Variants in SULT4A1 observed in about 807,000 individuals in gnomAD.
SULT4A1 encodes the protein sulfotransferase family 4A member 1.
A neutral mutation model predicts 35.2 loss-of-function variants in SULT4A1; 11 were observed. The ratio of observed to expected loss-of-function variants is 0.31; its 90% CI spans 0.20 to 0.52. The LOEUF (loss-of-function observed/expected upper bound fraction) is 0.52, where lower values mean the gene tolerates loss of function less well. Ranked by LOEUF, SULT4A1 falls within the 20% of genes least tolerant of loss-of-function variation. The pLI is 0.97. For synonymous variants in SULT4A1, 152 were observed against 151.8 expected (o/e 1.00, Z -0.01); for missense variants, 271 against 383.7 (o/e 0.71, Z 2.45).
chr22:43,827,726 G>T, intron 6 of SULT4A1: 1 of 948,524 alleles, frequency 1.1e-6, no homozygotes, highest in Non-Finnish European at 1.5e-6. Flanking sequence ...GAGCATATGG[G>T]CACACAGTAT....
In SULT4A1 at chr22:43,853,819, A is replaced by C. The variant is rs114589256; in HGVS notation, c.169+8395T>G. ...TGCTGCACCTTCAGACAGAGCTGGCACAGCAAGCAGAGCGTGGCTCCACCC... is the reference window on the plus strand; with the variant it reads ...TGCTGCACCTTCAGACAGAGCTGGCCCAGCAAGCAGAGCGTGGCTCCACCC... On this transcript the variant is annotated intron_variant, in intron 1 of 6. Transcript: ENST00000330884. 7.9e-3 allele frequency among the ~76,000 whole-genome samples: 1,197 copies of C among 152,340 alleles called. 25 individuals carry two copies. Among genetic ancestry groups the C allele is most frequent in the African/African-American group, 0.027 (1,138 of 41,580 alleles).
chr22:43,832,503 C>G (rs539471830), intron 5 of SULT4A1, among the ~76,000 whole-genome samples: 5 of 152,130 alleles, frequency 3.3e-5, no homozygotes, highest in Non-Finnish European at 5.9e-5. Context: ...ACCACAGGCC[C>G]CAGTGTGTGA....
At position 43,825,291 on chromosome 22, in the gene SULT4A1, G is replaced by C. The variant is rs1015626346; in HGVS notation, c.*710C>G. On this transcript the variant is annotated 3_prime_UTR_variant, in exon 7 of 7. Coordinates refer to ENST00000330884, the MANE Select transcript of SULT4A1 (RefSeq NM_014351.4). ...TCCCACCTGCCAGCCTCACCAGGCA[G>C]ACTTCCCTCAGCACATGCTCCGCGG... is the stretch of plus-strand genomic sequence containing the variant. 29 of 152,292 alleles carry C rather than the reference G, an allele frequency of 1.9e-4. No individual in the cohort carries two copies. The highest frequency in any genetic ancestry group is 1.8e-3 in the Admixed American group (27 of 15,284). 9.4% of individuals were successfully genotyped at this position (152,292 alleles called of 1,614,324 possible).
Position 43,833,716 on chromosome 22 carries a change from A to T in SULT4A1, c.527T>A (p.Phe176Tyr). ...MNDKLGYGSW[F>Y]EHVQEFWEHR... is the part of the protein sequence containing the mutation. ...CTCCCAGAACTCCTGCACGTGCTCA[A>T]ACCAGGAGCCGTAGCCCACTGCGGA... Residue 176 changes from phenylalanine (F) to tyrosine (Y), a missense_variant, in exon 5 of 7, where the codon TTT becomes TAT. Physicochemically the swap from Phe to Tyr is conservative, Grantham distance 22. Coordinates refer to ENST00000330884, the MANE Select transcript of SULT4A1 (RefSeq NM_014351.4). 2.5e-6 allele frequency: 4 copies of T among 1,574,854 alleles called. No individual in the cohort carries two copies. The highest frequency in any genetic ancestry group is 3.4e-6 in the Non-Finnish European group (4 of 1,159,600).
intron 6 of SULT4A1, chr22:43,826,703 T>C (rs898341842): frequency 3.0e-6 from 3 of 985,328 alleles, no homozygotes; most frequent in Admixed American, 6.1e-5. Flanking sequence ...GATGCAGATT[T>C]CAAGAAGCCT....
At chr22:43,829,334 G>T in intron 5 of SULT4A1, 136 bp from the exon 6 acceptor site, 1 of 1,022,494 alleles carries the variant, frequency 9.8e-7, no homozygotes, top group Non-Finnish European at 1.4e-6. Flanking sequence ...GCTGACATCA[G>T]CCTTGTCCAG....
At chr22:43,834,271 C>T (rs1055084942) in intron 4 of SULT4A1, among the ~76,000 whole-genome samples, 5 of 151,918 alleles carry the variant, frequency 3.3e-5, no homozygotes, top group East Asian at 1.9e-4. Context: ...CCGGCACTCC[C>T]GCACCCACAC....
At chr22:43,859,893 G>A (rs2049446251) in intron 1 of SULT4A1, among the ~76,000 whole-genome samples, 1 of 152,204 alleles carries the variant, frequency 6.6e-6, no homozygotes, top group South Asian at 2.1e-4. Context: ...AGCCGCCTGT[G>A]GGCAGAGGGT....
At chr22:43,848,066 C>A (rs2063487791) in intron 1 of SULT4A1, among the ~76,000 whole-genome samples, 1 of 152,060 alleles carries the variant, frequency 6.6e-6, no homozygotes, top group Non-Finnish European at 1.5e-5. Flanking sequence ...GCGCTCTGAC[C>A]CCAGCACAGG....
At chr22:43,858,417 C>T (rs963578862) in intron 1 of SULT4A1, among the ~76,000 whole-genome samples, 1 of 152,146 alleles carries the variant, frequency 6.6e-6, no homozygotes, top group Non-Finnish European at 1.5e-5. Context: ...CTTGCTTTGG[C>T]AGCCCCTTCC....
At chr22:43,830,719 G>A (rs1043330929) in intron 5 of SULT4A1, among the ~76,000 whole-genome samples, 3 of 152,152 alleles carry the variant, frequency 2.0e-5, no homozygotes, top group Admixed American at 6.5e-5. Context: ...GAATATACCC[G>A]GGGTGCCTGG....
At position 43,841,796 on chromosome 22, in the gene SULT4A1, G is replaced by C; in HGVS notation, c.300+6C>G. The C allele has an allele frequency of 1.9e-6, 3 of 1,611,930 alleles. No homozygotes were observed. Among genetic ancestry groups the C allele is most frequent in the Non-Finnish European group, 2.5e-6 (3 of 1,178,300 alleles). ...TGCTGGGACAGGTGCTGCTGGCCCT[G>C]GGTACCTTGATGATGTCCAGGCCCG... On this transcript the variant is annotated splice_donor_region_variant and intron_variant, in intron 2 of 6. Transcript: ENST00000330884.
At position 43,841,860 on chromosome 22, in the gene SULT4A1, T is replaced by C. The variant is rs1234575553; in HGVS notation, c.242A>G (p.Asn81Ser). 1 of 1,613,852 alleles carries C rather than the reference T, an allele frequency of 6.2e-7. No individual in the cohort carries two copies. The highest frequency in any genetic ancestry group is 8.5e-7 in the Non-Finnish European group (1 of 1,179,902). The change falls in exon 2 of 7, where the codon AAC becomes AGC. Residue 81 changes from asparagine to serine, a missense_variant. Around this residue, in one of 3 missense-constraint regions of SULT4A1, gnomAD observed 164 missense variants for 254.1 expected, o/e 0.65. Coordinates refer to ENST00000330884, the MANE Select transcript of SULT4A1 (RefSeq NM_014351.4). ...CAGGACCGGGAGCTGCTCGTCGATG[T>C]TCATCAAGCCGATCTCATCGGGGTC... ...GADPDEIGLM[N>S]IDEQLPVLEY...
At chr22:43,853,107 C>T (rs1032279236) in intron 1 of SULT4A1, among the ~76,000 whole-genome samples, 9 of 151,938 alleles carry the variant, frequency 5.9e-5, no homozygotes, top group African/African-American at 2.2e-4. Flanking sequence ...AGCACGCACA[C>T]ACACACCAGA....
At chr22:43,835,031 C>G (rs1488810252) in intron 4 of SULT4A1, among the ~76,000 whole-genome samples, 3 of 95,750 alleles carry the variant, frequency 3.1e-5, no homozygotes, top group African/African-American at 5.1e-5. Context: ...GCTTCCCGCG[C>G]CCCCACCGCG....
chr22:43,853,116 G>T (rs2049360708), intron 1 of SULT4A1, among the ~76,000 whole-genome samples: 1 of 151,120 alleles, frequency 6.6e-6, no homozygotes, highest in Non-Finnish European at 1.5e-5. Flanking sequence ...ACACACACCA[G>T]ACACAGACCA....
chr22:43,830,782 G>A lies in SULT4A1; in HGVS notation c.604-1584C>T, dbSNP rs148482618. ...CACTGTAATTGCGGTGCAGTGGAGC[G>A]CAGGCAGTGAGCGCTCTGGCAGGAA... On this transcript the variant is annotated intron_variant, in intron 5 of 6. Coordinates refer to ENST00000330884, the MANE Select transcript of SULT4A1 (RefSeq NM_014351.4). Among the ~76,000 whole-genome samples the A allele has an allele frequency of 1.1e-3, 168 of 152,292 alleles. 1 individual carries two copies. Among genetic ancestry groups the A allele is most frequent in the African/African-American group, 3.6e-3 (149 of 41,570 alleles).
rs371878552 is a variant in SULT4A1 at position 43,825,967 on chromosome 22, G to C, written c.*34C>G. On this transcript the variant is annotated 3_prime_UTR_variant, in exon 7 of 7. Coordinates refer to ENST00000330884, the MANE Select transcript of SULT4A1 (RefSeq NM_014351.4). ...GGACTTTTGGCTAGTAGACTGTCTG[G>C]GTATTGTGAGCATGCAGGTTGTTGT... The C allele has an allele frequency of 5.6e-6, 9 of 1,595,732 alleles. No individual in the cohort carries two copies. The highest frequency in any genetic ancestry group is 7.7e-6 in the Non-Finnish European group (9 of 1,164,540).
At chr22:43,854,414 A>C (rs543072975) in intron 1 of SULT4A1, among the ~76,000 whole-genome samples, 1 of 152,214 alleles carries the variant, frequency 6.6e-6, no homozygotes, top group Non-Finnish European at 1.5e-5. Flanking sequence ...GATCTAGTCA[A>C]TCTGCACACA....
Sources: allele counts gnomAD v4.1 joint callset (sites outside exome capture counted in the v4.1 genomes callset), GRCh38; gene constraint gnomAD v4.1.1; regional missense constraint gnomAD v4.1.1; transcripts MANE v1.5; gene names NCBI Gene and HGNC (gene_info 2026-07-23, HGNC 2026-07-21).